CPLANE1: variants seen among roughly 807,000 people sequenced by gnomAD.
CPLANE1 encodes ciliogenesis and planar polarity effector complex subunit 1.
Under a neutral mutation model 362.5 loss-of-function variants are expected in CPLANE1, and 263 were observed. The observed-to-expected ratio is 0.73, with a 90% CI of 0.66 to 0.80. The LOEUF (loss-of-function observed/expected upper bound fraction) is 0.80. Among genes scored for constraint, CPLANE1 ranks in the 30% least tolerant of loss-of-function variants. The pLI is 0.00. For missense variants in CPLANE1, 3,461 were observed against 3,793.4 expected, an observed-to-expected ratio of 0.91 and a Z score of 2.30; for synonymous variants, 1,212 against 1,302.6, an observed-to-expected ratio of 0.93 and a Z score of 1.50.
intron 52 of CPLANE1, 95 bp downstream of exon 52, chr5:37,108,198 C>CA (rs1758069929): frequency 6.3e-6 from 8 of 1,261,608 alleles, no homozygotes; most frequent in Non-Finnish European, 9.0e-6. Flanking sequence ...CCACATCCCA[C>CA]AAAAAACAAA....
downstream of CPLANE1, among the ~76,000 whole-genome samples, chr5:37,103,883 AG>A (rs1429522211): frequency 6.6e-6 from 1 of 152,102 alleles, no homozygotes; most frequent in Non-Finnish European, 1.5e-5. Flanking sequence ...TGGGGTTCTC[AG>A]GATTTCCTGA....
chr5:37,187,696 G>T (rs189244724), intron 22 of CPLANE1, 37 bp downstream of exon 22: 5 of 1,575,568 alleles, frequency 3.2e-6, no homozygotes, highest in Non-Finnish European at 3.5e-6. Context: ...CCCACTTAAC[G>T]TGTGTTCATT....
rs752467139 is a variant in CPLANE1, at chr5:37,186,343, G to A, written c.4132C>T (p.Pro1378Ser). ...AGAGAGTGATATTTGTCTCTTAAAG[G>A]AACCCTCACGTCCTCAGGATAGGGA... ...AFPYPEDVRV[P>S]LRDKYHSLHQ... is the part of the protein sequence containing the mutation. The change falls in exon 24 of 53, where the codon CCT becomes TCT. Residue 1378 changes from proline (P) to serine (S), a missense_variant. Physicochemically the swap from Pro to Ser is moderately conservative, Grantham distance 74. Transcript: ENST00000651892. The A allele has an allele frequency of 1.5e-5, 24 of 1,606,816 alleles. No homozygotes were observed. The highest frequency in any genetic ancestry group is 1.7e-5 in the Non-Finnish European group (20 of 1,173,850).
intron 29 of CPLANE1, among the ~76,000 whole-genome samples, chr5:37,178,994 C>A (rs1781979569): frequency 6.6e-6 from 1 of 152,292 alleles, no homozygotes; most frequent in African/African-American, 2.4e-5. Flanking sequence ...CTCCTGGCCT[C>A]AAGCAATCCT....
In CPLANE1 at chr5:37,241,127, C is replaced by T. The variant is rs546275008; in HGVS notation, c.678-1258G>A. Among the ~76,000 whole-genome samples, 20 of 151,484 alleles carry T rather than the reference C, an allele frequency of 1.3e-4. No homozygotes were observed. The South Asian group carries it at 2.3e-3, about 17-fold the overall frequency. ...CTCCAGCCTGGGCAACAGAGTGAGA[C>T]TCTGTCTCAAAAAAAAAATAAAATA... On this transcript the variant is annotated intron_variant, in intron 6 of 52. Transcript: ENST00000651892.
At chr5:37,166,507 G>C (rs545449958) in intron 35 of CPLANE1, among the ~76,000 whole-genome samples, 1 of 152,298 alleles carries the variant, frequency 6.6e-6, no homozygotes, top group South Asian at 2.1e-4. Context: ...CAGAGAGAAA[G>C]AGATCACATT....
Position 37,230,160 on chromosome 5 carries a change from A to C in CPLANE1, c.1121+707T>G, listed in dbSNP as rs1240034068. The stretch of plus-strand genomic sequence containing the variant: ...ACTGCACTCCAGCCTGGGCAACAAG[A>C]GCGAAACTCCGTCTCAAGAAAAAAA... On this transcript the variant is annotated intron_variant, in intron 9 of 52. Transcript: ENST00000651892. 2.0e-5 allele frequency among the ~76,000 whole-genome samples: 3 copies of C among 151,778 alleles called. No individual in the cohort carries two copies. The East Asian group carries it at 5.8e-4, about 29-fold the overall frequency.
chr5:37,169,592 T>C, intron 33 of CPLANE1, 31 bp from the exon 34 acceptor site: 1 of 1,510,358 alleles, frequency 6.6e-7, no homozygotes, highest in South Asian at 1.3e-5. Flanking sequence ...TATGTAAGTT[T>C]AGAATATATT....
Position 37,167,151 on chromosome 5 carries a change from T to A in CPLANE1, c.7296A>T (p.Lys2432Asn). 1 of 1,613,640 alleles carries A rather than the reference T, an allele frequency of 6.2e-7. No homozygotes were observed. The highest frequency in any genetic ancestry group is 1.7e-4 in the Middle Eastern group (1 of 6,058). Reference protein sequence around the residue: ...NLIAFKQSQQKLTHNLFEQGD... With the variant: ...NLIAFKQSQQNLTHNLFEQGD... ...CTTGTTCAAATAAATTATGTGTTAG[T>A]TTCTGTTGGCTTTGTTTAAACGCAA... Residue 2432 changes from lysine (K) to asparagine (N), a missense_variant, in exon 35 of 53, where the codon AAA becomes AAT. Coordinates refer to ENST00000651892, the MANE Select transcript of CPLANE1 (RefSeq NM_001384732.1).
At chr5:37,197,689 G>A (rs1787934461) in intron 20 of CPLANE1, among the ~76,000 whole-genome samples, 1 of 152,098 alleles carries the variant, frequency 6.6e-6, no homozygotes, top group Non-Finnish European at 1.5e-5. Flanking sequence ...AAACTAATAT[G>A]GCTCAGAATC....
Position 37,230,868 on chromosome 5 carries a change from T to C in CPLANE1, c.1120A>G (p.Arg374Gly). The C allele has an allele frequency of 6.6e-7, 1 of 1,518,366 alleles. No individual in the cohort carries two copies. Among genetic ancestry groups the C allele is most frequent in the South Asian group, 1.3e-5 (1 of 77,794 alleles). The allele number at this position is 1,518,366 out of a possible 1,614,324, so 94.1% of individuals were successfully genotyped here. A position where few individuals can be genotyped will look rare whatever the true frequency, so the allele number is the denominator to read the frequency against. The change falls in exon 9 of 53, where the codon AGA becomes GGA. Residue 374 changes from arginine to glycine, a missense_variant and splice_region_variant. Arg to Gly is a moderately radical substitution (Grantham distance 125). Coordinates refer to ENST00000651892, the MANE Select transcript of CPLANE1 (RefSeq NM_001384732.1). ...FIPLHPLITYRPQQFTFQDSN... is the reference protein window; with the variant it reads ...FIPLHPLITYGPQQFTFQDSN... Reference sequence around the variant, plus strand: ...ATTAACACAATTCAAATGTCTCACCTATACGTTATTAGTGGATGAAGAGGA... The same window carrying C: ...ATTAACACAATTCAAATGTCTCACCCATACGTTATTAGTGGATGAAGAGGA...
At chr5:37,213,526 A>G (rs1184605744) in intron 16 of CPLANE1, 33 bp downstream of exon 16, 1 of 1,455,960 alleles carries the variant, frequency 6.9e-7, no homozygotes, top group Admixed American at 2.4e-5. Flanking sequence ...GCAATGCAAA[A>G]AAAGTTTAAA....
At chr5:37,166,467 GAGT>G (rs1778273735) in intron 35 of CPLANE1, among the ~76,000 whole-genome samples, 1 of 152,130 alleles carries the variant, frequency 6.6e-6, no homozygotes, top group African/African-American at 2.4e-5. Flanking sequence ...GAAAATAGAT[GAGT>G]TCAGTGCAGT....
At chr5:37,106,085 A>G (rs758685213), downstream of CPLANE1, 5 of 152,206 alleles carry the variant, frequency 3.3e-5, no homozygotes, top group Non-Finnish European at 5.9e-5. Context: ...GAATGCTCAT[A>G]CACCCTTGGT....
chr5:37,112,125 G>A (rs573815828), intron 51 of CPLANE1, among the ~76,000 whole-genome samples: 4 of 152,188 alleles, frequency 2.6e-5, no homozygotes, highest in Non-Finnish European at 5.9e-5. Context: ...TTGGCATCTA[G>A]ACATCGACAT....
At chr5:37,141,819 G>C in intron 44 of CPLANE1, 1 of 972,168 alleles carries the variant, frequency 1.0e-6, no homozygotes, top group Non-Finnish European at 1.2e-6. Flanking sequence ...ACAAAAAGTG[G>C]CACTAAATCC....
At position 37,157,698 on chromosome 5, in the gene CPLANE1, A is replaced by G. The variant is rs867796575; in HGVS notation, c.7983T>C (p.Ala2661=). The change falls in exon 40 of 53, where the codon GCT becomes GCC. Residue 2661 remains alanine, a synonymous_variant. Transcript: ENST00000651892. The part of the protein sequence containing the change: ...LHYMAASVTN[A]VPPHNFKSQE... ...GACTCTTAAAATTATGTGGGGGAAC[A>G]GCATTAGTAACTGAAGCTGCCATAT... The G allele has an allele frequency of 4.3e-6, 7 of 1,613,836 alleles. No individual in the cohort carries two copies. The Middle Eastern group carries it at 5.0e-4, about 114-fold the overall frequency.
At chr5:37,123,587 C>G (rs1161533195) in intron 47 of CPLANE1, among the ~76,000 whole-genome samples, 1 of 152,216 alleles carries the variant, frequency 6.6e-6, no homozygotes, top group African/African-American at 2.4e-5. Flanking sequence ...GTTGCCCAGG[C>G]AGGAGTGCAG....
chr5:37,106,738 G>T lies in CPLANE1; in HGVS notation c.*864C>A. The T allele has an allele frequency of 1.5e-6, 1 of 647,764 alleles. No homozygotes were observed. The highest frequency in any genetic ancestry group is 1.9e-6 in the Non-Finnish European group (1 of 521,944). 40.1% of individuals were successfully genotyped at this position (647,764 alleles called of 1,614,324 possible). ...TGTTGTAAAACCTGGCTTCACACAG[G>T]TAGATATTTGGAAAAAGAGGGGTAT... On this transcript the variant is annotated 3_prime_UTR_variant, in exon 53 of 53. Coordinates refer to ENST00000651892, the MANE Select transcript of CPLANE1 (RefSeq NM_001384732.1).
Sources: gnomAD v4.1 joint callset for allele counts (sites outside exome capture counted in the v4.1 genomes callset) on GRCh38, gnomAD v4.1.1 for gene constraint, MANE v1.5 for transcripts, NCBI Gene and HGNC (gene_info 2026-07-23, HGNC 2026-07-21) for gene names.